Variants in HPS1 observed in about 807,000 individuals in gnomAD.
The protein encoded by HPS1 is BLOC-3 complex member HPS1.
In HPS1, 59 loss-of-function variants were observed where a neutral mutation model predicts 90.6. That is an observed-to-expected ratio of 0.65 (90% CI 0.53 to 0.81). The LOEUF is 0.81. Among genes scored for constraint, HPS1 ranks in the 30% least tolerant of loss-of-function variants. The pLI, the probability that HPS1 is intolerant of heterozygous loss-of-function variation, is 0.00. For synonymous variants in HPS1, 388 were observed against 384.4 expected (o/e 1.01, Z -0.11); for missense variants, 849 against 896.7 (o/e 0.95, Z 0.68).
Position 98,443,136 on chromosome 10 carries a change from A to G in HPS1, c.105T>C (p.Asn35=), listed in dbSNP as rs753797618. ...ACCCTGCACTCACCTCTTCTTCCTC[A>G]TTCTCTGACTGCCCGAACTTCAGCC... ...SLRLKFGQSE[N]EEEELPALED... The change falls in exon 3 of 20, where the codon AAT becomes AAC. Residue 35 remains asparagine, a synonymous_variant. Transcript: ENST00000361490. 2 of 1,612,370 alleles carry G rather than the reference A, an allele frequency of 1.2e-6. No individual in the cohort carries two copies. The highest frequency in any genetic ancestry group is 3.3e-5 in the Admixed American group (2 of 59,974).
chr10:98,424,433 C>A, intron 13 of HPS1, 59 bp from the exon 14 acceptor site: 1 of 1,452,524 alleles, frequency 6.9e-7, no homozygotes, highest in Non-Finnish European at 9.6e-7. Context: ...GAGGTCCAGG[C>A]CAAAGTCCTT....
chr10:98,414,045 T>G (rs570709917), downstream of HPS1: 29 of 152,110 alleles, frequency 1.9e-4, no homozygotes, highest in East Asian at 5.2e-3. Flanking sequence ...TGTATATATA[T>G]GTACGTAACA....
intron 16 of HPS1, 149 bp downstream of exon 16, chr10:98,423,454 T>G (rs1247197965): frequency 5.1e-6 from 4 of 791,916 alleles, no homozygotes; most frequent in Non-Finnish European, 9.1e-6. Context: ...CTATGTCCCA[T>G]TATTTTCCTT....
At chr10:98,446,410 C>G (rs1390559785) in intron 1 of HPS1, among the ~76,000 whole-genome samples, 1 of 152,220 alleles carries the variant, frequency 6.6e-6, no homozygotes, top group African/African-American at 2.4e-5. Context: ...GGGGGGCCAA[C>G]CTGGGGCGAC....
At position 98,422,351 on chromosome 10, in the gene HPS1, C is replaced by CA; in HGVS notation, c.1743+17_1743+18insT. On this transcript the variant is annotated intron_variant, in intron 17 of 19. Transcript: ENST00000361490. ...TGGCTGAGGCCCACCCATCCCCGCC[C>CA]TGGGTCCAAATGGTTACCTTAGTTT... The CA allele has an allele frequency of 6.2e-7, 1 of 1,610,006 alleles. No individual in the cohort carries two copies.
intron 6 of HPS1, among the ~76,000 whole-genome samples, chr10:98,433,265 GA>G (rs1354771397): frequency 6.7e-6 from 1 of 149,456 alleles, no homozygotes; most frequent in African/African-American, 2.5e-5. Flanking sequence ...GCAAGTTCTA[GA>G]GCCCCCATCC....
At chr10:98,438,612 C>A (rs1267022276) in intron 3 of HPS1, among the ~76,000 whole-genome samples, 1 of 152,148 alleles carries the variant, frequency 6.6e-6, no homozygotes, top group Non-Finnish European at 1.5e-5. Context: ...CAGTTTTATG[C>A]ATTCACTAAT....
rs771472183 is a variant in HPS1 at position 98,425,872 on chromosome 10, G to C, written c.1101C>G (p.His367Gln). The C allele has an allele frequency of 6.2e-7, 1 of 1,614,168 alleles. No individual in the cohort carries two copies. Among genetic ancestry groups the C allele is most frequent in the Admixed American group, 1.7e-5 (1 of 60,028 alleles). Residue 367 changes from histidine to glutamine, a missense_variant, in exon 12 of 20, where the codon CAC (histidine) becomes CAG (glutamine). His to Gln is a conservative substitution (Grantham distance 24). Coordinates refer to ENST00000361490, the MANE Select transcript of HPS1 (RefSeq NM_000195.5). ...VKESYCPLVPHTMYCLPLWQG... is the reference protein window; with the variant it reads ...VKESYCPLVPQTMYCLPLWQG... The stretch of plus-strand genomic sequence containing the variant: ...GCCACAGGGGCAGGCAGTACATGGT[G>C]TGGGGCACTAGGGGGCAGTAGCTTT...
Position 98,425,955 on chromosome 10 carries a change from G to GA in HPS1, c.1017dup (p.Pro340SerfsTer113). 1 of 1,614,094 alleles carries GA rather than the reference G, an allele frequency of 6.2e-7. No homozygotes were observed. Among genetic ancestry groups the GA allele is most frequent in the Non-Finnish European group, 8.5e-7 (1 of 1,179,988 alleles). ...GGGCCGGAAGGCACAGGGCAGTGGG[G>GA]AACCAGTGTTTGGAGGGTGTCCTCT... is the stretch of plus-strand genomic sequence containing the variant. On this transcript the variant is annotated frameshift_variant, in exon 12 of 20. Transcript: ENST00000361490. LOFTEE classifies it high-confidence loss of function.
chr10:98,428,975 G>A (rs1335884597), intron 10 of HPS1, among the ~76,000 whole-genome samples: 1 of 151,920 alleles, frequency 6.6e-6, no homozygotes, highest in Non-Finnish European at 1.5e-5. Context: ...CCGAGTAGCT[G>A]GGATTACAGG....
At chr10:98,426,784 T>A (rs1845664931) in intron 11 of HPS1, among the ~76,000 whole-genome samples, 1 of 147,368 alleles carries the variant, frequency 6.8e-6, no homozygotes, top group Non-Finnish European at 1.5e-5. Context: ...GTGTGTAAAG[T>A]CATAGGAAAA....
At position 98,435,118 on chromosome 10, in the gene HPS1, G is replaced by A. The variant is rs1031331160; in HGVS notation, c.398+154C>T. The A allele has an allele frequency of 7.5e-6, 6 of 801,194 alleles. No homozygotes were observed. In the Admixed American group the frequency reaches 8.2e-5, roughly 11 times the overall value. The allele number at this position is 801,194 out of a possible 1,614,324, so 49.6% of individuals were successfully genotyped here. Reference sequence around the variant, plus strand: ...TAAAGTCAGAGGGTCAGACCAGATGGTCTCCAAGGTTCACTTGAGCTGTTT... The same window carrying A: ...TAAAGTCAGAGGGTCAGACCAGATGATCTCCAAGGTTCACTTGAGCTGTTT... On this transcript the variant is annotated intron_variant, in intron 5 of 19. Transcript: ENST00000361490. The surrounding 1 kb of genome is among the most constrained non-coding windows in gnomAD (Gnocchi z 4.3).
At chr10:98,443,371 G>T (rs1269049477) in intron 2 of HPS1, 131 bp from the exon 3 acceptor site, 1 of 780,744 alleles carries the variant, frequency 1.3e-6, no homozygotes, top group African/African-American at 1.7e-5. Flanking sequence ...CATCACAAGG[G>T]ACTTCCATTT....
chr10:98,437,818 T>C (rs2136278382), intron 3 of HPS1, among the ~76,000 whole-genome samples: 1 of 152,352 alleles, frequency 6.6e-6, no homozygotes, highest in South Asian at 2.1e-4. Flanking sequence ...GGTTAAGCTT[T>C]GTGTCCCCAT....
intron 7 of HPS1, among the ~76,000 whole-genome samples, 155 bp downstream of exon 7, chr10:98,430,976 G>C (rs1179606501): frequency 1.3e-5 from 2 of 152,212 alleles, no homozygotes; most frequent in East Asian, 3.8e-4. Flanking sequence ...AAATGGGTGA[G>C]CTGAAAAAGG....
At position 98,435,453 on chromosome 10, in the gene HPS1, G is replaced by T. The variant is rs369086708; in HGVS notation, c.256-39C>A. On this transcript the variant is annotated intron_variant, in intron 4 of 19. Coordinates refer to ENST00000361490, the MANE Select transcript of HPS1 (RefSeq NM_000195.5). This position sits in a 1 kb window ranked among gnomAD's most constrained non-coding sequence, Gnocchi z 4.3. ...CAGGCCAGTGTCAGCCAGCCCCAAG[G>T]GCACTCCCTTCACCTGCCCTGGTCT... 8 of 1,613,552 alleles carry T rather than the reference G, an allele frequency of 5.0e-6. No homozygotes were observed. The highest frequency in any genetic ancestry group is 5.9e-6 in the Non-Finnish European group (7 of 1,179,958).
In HPS1 at chr10:98,423,849, C is replaced by T; in HGVS notation, c.1436G>A (p.Cys479Tyr). The change falls in exon 15 of 20, where the codon TGC becomes TAC. Residue 479 changes from cysteine to tyrosine, a missense_variant. Coordinates refer to ENST00000361490, the MANE Select transcript of HPS1 (RefSeq NM_000195.5). Reference sequence around the variant, plus strand: ...CAGAAAGTTCAGCCGGTAGATGGCGCAGAGCTGCCGCTTCAGCTTCCCACA... The same window carrying T: ...CAGAAAGTTCAGCCGGTAGATGGCGTAGAGCTGCCGCTTCAGCTTCCCACA... ...QACGKLKRQL[C>Y]AIYRLNFLTT... is the part of the protein sequence containing the mutation. The T allele has an allele frequency of 6.2e-7, 1 of 1,613,870 alleles. No individual in the cohort carries two copies. Among genetic ancestry groups the T allele is most frequent in the Non-Finnish European group, 8.5e-7 (1 of 1,180,022 alleles).
chr10:98,433,109 G>A lies in HPS1; in HGVS notation c.507+874C>T, dbSNP rs192041180. 2.0e-5 allele frequency among the ~76,000 whole-genome samples: 3 copies of A among 152,002 alleles called. No individual in the cohort carries two copies. In the East Asian group the frequency reaches 5.8e-4, roughly 29 times the overall value. On this transcript the variant is annotated intron_variant, in intron 6 of 19. Coordinates refer to ENST00000361490, the MANE Select transcript of HPS1 (RefSeq NM_000195.5). ...TAGCCAGGCGTGGTGGCACGTGCCT[G>A]TAATCCCAGCTACTCAGGAGGCTGA...
chr10:98,426,735 G>A (rs1304415264), intron 11 of HPS1, among the ~76,000 whole-genome samples: 1 of 138,832 alleles, frequency 7.2e-6, no homozygotes, highest in Non-Finnish European at 1.5e-5. Flanking sequence ...ATACACATGT[G>A]TACATATGTA....
Sources: gnomAD v4.1 joint callset for allele counts (sites outside exome capture counted in the v4.1 genomes callset) on GRCh38, gnomAD v4.1.1 for gene constraint, Gnocchi (gnomAD v3.1) non-coding constraint, MANE v1.5 for transcripts, NCBI Gene and HGNC (gene_info 2026-07-23, HGNC 2026-07-21) for gene names.